The following OTUD7A variants were observed in gnomAD, a reference collection of about 807,000 sequenced individuals.
OTUD7A encodes the protein OTU domain-containing protein 7A.
In OTUD7A, 12 loss-of-function variants were observed where a neutral mutation model predicts 65.7. The ratio of observed to expected loss-of-function variants is 0.18; its 90% CI spans 0.12 to 0.30. The LOEUF (loss-of-function observed/expected upper bound fraction) is 0.30. Ranked by LOEUF, OTUD7A falls within the 10% of genes least tolerant of loss-of-function variation. The probability of loss-of-function intolerance (pLI) is 1.00; values close to 1 mark genes in which losing one functional copy is unlikely to be tolerated. For synonymous variants in OTUD7A, 641 were observed against 586.3 expected, an observed-to-expected ratio of 1.09 and a Z score of -1.35; for missense variants, 1,148 against 1,304.8, an observed-to-expected ratio of 0.88 and a Z score of 1.85.
At chr15:31,673,831 C>T (rs771616402) in intron 1 of OTUD7A, among the ~76,000 whole-genome samples, 10 of 152,212 alleles carry the variant, frequency 6.6e-5, no homozygotes, top group Admixed American at 2.6e-4. Flanking sequence ...GCACACTTTG[C>T]GCATTGAGCT....
chr15:31,509,732 G>A (rs868328982), intron 8 of OTUD7A, among the ~76,000 whole-genome samples: 5 of 151,330 alleles, frequency 3.3e-5, no homozygotes, highest in Non-Finnish European at 5.9e-5. Flanking sequence ...TTACATTTAG[G>A]AGGCCTAATT....
At chr15:31,599,211 G>A (rs543442889) in intron 3 of OTUD7A, among the ~76,000 whole-genome samples, 1 of 152,324 alleles carries the variant, frequency 6.6e-6, no homozygotes, top group African/African-American at 2.4e-5. Flanking sequence ...ATCCTGACTG[G>A]GAGACACCTC....
At chr15:31,802,141 G>GTGTGTGTATA (rs553698632) in intron 1 of OTUD7A, among the ~76,000 whole-genome samples, 2,427 of 142,446 alleles carry the variant, frequency 0.017, 43 homozygotes, top group Non-Finnish European at 0.021. Flanking sequence ...GTGTGTGTGT[G>GTGTGTGTATA]TATATATATA....
intron 1 of OTUD7A, among the ~76,000 whole-genome samples, chr15:31,844,446 G>A (rs901841541): frequency 2.6e-5 from 4 of 152,342 alleles, no homozygotes; most frequent in East Asian, 1.9e-4. Flanking sequence ...GCAGTAAGCC[G>A]AGATTGCACC....
At chr15:31,606,358 C>T (rs369780933) in intron 3 of OTUD7A, among the ~76,000 whole-genome samples, 12 of 152,274 alleles carry the variant, frequency 7.9e-5, no homozygotes, top group East Asian at 7.7e-4. Flanking sequence ...CACACGTGAC[C>T]GTGCACAGAG....
chr15:31,714,715 T>C (rs981348643), intron 1 of OTUD7A, among the ~76,000 whole-genome samples: 68 of 152,346 alleles, frequency 4.5e-4, no homozygotes, highest in African/African-American at 1.6e-3. Context: ...ATTACTGGCA[T>C]TCAGCTGGAC....
intron 3 of OTUD7A, among the ~76,000 whole-genome samples, chr15:31,621,054 A>T (rs1279511756): frequency 6.7e-6 from 1 of 149,900 alleles, no homozygotes; most frequent in East Asian, 1.9e-4. Flanking sequence ...CAGGTTGTTC[A>T]GTTTCCATGT....
In OTUD7A at chr15:31,526,409, A is replaced by G; in HGVS notation, c.833T>C (p.Leu278Pro). 6.2e-7 allele frequency: 1 copy of G among 1,602,452 alleles called. No individual in the cohort carries two copies. The highest frequency in any genetic ancestry group is 1.1e-5 in the South Asian group (1 of 90,182). Residue 278 changes from leucine (L) to proline (P), a missense_variant, in exon 8 of 13, where the codon CTG becomes CCG. Transcript: ENST00000307050. Reference protein sequence around the residue: ...EEWEREWTELLKLASSEPRTH... With the variant: ...EEWEREWTELPKLASSEPRTH... ...GCGCGGCTCGCTGGAGGCCAGCTTC[A>G]GCAGCTCCGTCCACTCCCGCTCCCA...
intron 1 of OTUD7A, among the ~76,000 whole-genome samples, chr15:31,756,627 A>AACACAC (rs56792926): frequency 1.4e-5 from 2 of 138,382 alleles, no homozygotes; most frequent in African/African-American, 2.8e-5. Flanking sequence ...CAGTGTACCC[A>AACACAC]ACACACACAC....
intron 3 of OTUD7A, among the ~76,000 whole-genome samples, chr15:31,593,007 A>G (rs1488789681): frequency 6.8e-6 from 1 of 146,664 alleles, no homozygotes; most frequent in Non-Finnish European, 1.5e-5. Flanking sequence ...AATGATGATA[A>G]AAAGTATAGC....
intron 5 of OTUD7A, among the ~76,000 whole-genome samples, chr15:31,554,022 C>T (rs1407694933): frequency 6.6e-6 from 1 of 152,184 alleles, no homozygotes; most frequent in Non-Finnish European, 1.5e-5. Context: ...CTTTCCAAAT[C>T]CTCTCACCCT....
chr15:31,607,394 C>T (rs981998173), intron 3 of OTUD7A, among the ~76,000 whole-genome samples: 3 of 152,172 alleles, frequency 2.0e-5, no homozygotes, highest in Non-Finnish European at 4.4e-5. Flanking sequence ...GGAATCAAGG[C>T]CAGCTTCAAA....
chr15:31,710,560 G>A (rs910812960), intron 1 of OTUD7A, among the ~76,000 whole-genome samples: 27 of 152,162 alleles, frequency 1.8e-4, no homozygotes, highest in Non-Finnish European at 2.5e-4. Context: ...GGGCACCAGA[G>A]GGAGACCTGG....
At chr15:31,838,384 C>A (rs1371493669) in intron 1 of OTUD7A, among the ~76,000 whole-genome samples, 1 of 152,150 alleles carries the variant, frequency 6.6e-6, no homozygotes, top group Non-Finnish European at 1.5e-5. Context: ...CTGCCATCAT[C>A]CAGGGACCAA....
At chr15:31,789,768 C>T (rs1396807936) in intron 1 of OTUD7A, among the ~76,000 whole-genome samples, 2 of 148,788 alleles carry the variant, frequency 1.3e-5, no homozygotes, top group African/African-American at 2.5e-5. Context: ...TGCAATGTCG[C>T]GATCTCTGCT....
chr15:31,575,497 T>C (rs998328580), intron 3 of OTUD7A, among the ~76,000 whole-genome samples: 1 of 152,164 alleles, frequency 6.6e-6, no homozygotes, highest in African/African-American at 2.4e-5. Flanking sequence ...CAGGAGTGAC[T>C]ATAACATGGT....
chr15:31,635,474 C>T (rs573409426), intron 3 of OTUD7A, among the ~76,000 whole-genome samples: 8 of 152,304 alleles, frequency 5.3e-5, no homozygotes, highest in Non-Finnish European at 1.0e-4. Context: ...TTCCCAGCAG[C>T]CAATGGAACC....
At chr15:31,784,176 G>C (rs1895612304) in intron 1 of OTUD7A, among the ~76,000 whole-genome samples, 1 of 152,180 alleles carries the variant, frequency 6.6e-6, no homozygotes, top group Admixed American at 6.5e-5. Context: ...AGTATGAAAA[G>C]TTTACCAATG....
At chr15:31,658,989 G>A (rs192447822) in intron 1 of OTUD7A, among the ~76,000 whole-genome samples, 9 of 151,096 alleles carry the variant, frequency 6.0e-5, no homozygotes, top group South Asian at 2.1e-4. Flanking sequence ...CTGAGATCGC[G>A]CCATTGCACT....
Sources: gnomAD v4.1 joint callset for allele counts (sites outside exome capture counted in the v4.1 genomes callset) on GRCh38, gnomAD v4.1.1 for gene constraint, MANE v1.5 for transcripts, NCBI Gene and HGNC (gene_info 2026-07-23, HGNC 2026-07-21) for gene names.